Variants in GALNT9 observed in about 807,000 individuals in gnomAD.
GALNT9 encodes the protein GalNAc transferase 9.
A neutral mutation model predicts 63.1 loss-of-function variants in GALNT9; 47 were observed. The ratio of observed to expected loss-of-function variants is 0.75; its 90% CI spans 0.59 to 0.95. The LOEUF is 0.95. Ranked by LOEUF, GALNT9 falls within the 40% of genes least tolerant of loss-of-function variation. The pLI is 0.00. For synonymous variants in GALNT9, 396 were observed against 365.7 expected (o/e 1.08, Z -0.94); for missense variants, 829 against 874.8 (o/e 0.95, Z 0.66).
intron 7 of GALNT9, 53 bp downstream of exon 7, chr12:132,203,452 A>G: frequency 1.3e-6 from 2 of 1,583,844 alleles, no homozygotes; most frequent in Admixed American, 1.7e-5. Context: ...CTGCCGTGGC[A>G]TTGACCCCGA....
At chr12:132,304,598 C>G (rs370968029) in intron 1 of GALNT9, among the ~76,000 whole-genome samples, 16 of 32,014 alleles carry the variant, frequency 5.0e-4, no homozygotes, top group East Asian at 0.031. Flanking sequence ...CGCCCTCACC[C>G]GGGCACAGCC....
At chr12:132,201,320 C>A in intron 7 of GALNT9, 59 bp from the exon 8 acceptor site, 1 of 1,261,516 alleles carries the variant, frequency 7.9e-7, no homozygotes, top group Non-Finnish European at 1.1e-6. Flanking sequence ...TGGGTCTTCC[C>A]CATAATGAGG....
intron 5 of GALNT9, among the ~76,000 whole-genome samples, chr12:132,250,406 G>A (rs538630933): frequency 2.0e-5 from 3 of 152,348 alleles, no homozygotes; most frequent in East Asian, 1.9e-4. Flanking sequence ...CACCGCAGAG[G>A]TGCCCACTTT....
At chr12:132,217,490 GCATCCCCACCCATC>G (rs1877254413) in intron 6 of GALNT9, among the ~76,000 whole-genome samples, 1 of 104,554 alleles carries the variant, frequency 9.6e-6, no homozygotes, top group South Asian at 3.2e-4. Flanking sequence ...ACCCACCCAT[GCATCCCCACCCATC>G]CATCCATCCA....
chr12:132,305,481 G>A (rs1455931965), intron 1 of GALNT9, among the ~76,000 whole-genome samples: 41 of 79,886 alleles, frequency 5.1e-4, no homozygotes, highest in Admixed American at 7.3e-4. Flanking sequence ...CCTCACCCGG[G>A]CACACCCTCA....
chr12:132,215,767 C>A (rs972644080), intron 6 of GALNT9, among the ~76,000 whole-genome samples: 2 of 152,196 alleles, frequency 1.3e-5, no homozygotes, highest in African/African-American at 4.8e-5. Context: ...GGGCGGGGGG[C>A]AGCCTCGCAT....
intron 1 of GALNT9, among the ~76,000 whole-genome samples, chr12:132,302,523 C>G (rs1301467950): frequency 6.6e-6 from 1 of 152,224 alleles, no homozygotes; most frequent in East Asian, 1.9e-4. Flanking sequence ...CATCCATTAT[C>G]AAAACTCACG....
intron 6 of GALNT9, among the ~76,000 whole-genome samples, chr12:132,221,985 A>G (rs1877469011): frequency 6.6e-6 from 1 of 152,186 alleles, no homozygotes; most frequent in Non-Finnish European, 1.5e-5. Context: ...TTTATAAATA[A>G]TTGTATAAAT....
chr12:132,214,497 C>T (rs558359199), intron 6 of GALNT9, among the ~76,000 whole-genome samples: 38 of 152,330 alleles, frequency 2.5e-4, no homozygotes, highest in African/African-American at 6.7e-4. Flanking sequence ...CACCAGCCAA[C>T]GCGAATCCAC....
At position 132,199,227 on chromosome 12, in the gene GALNT9, C is replaced by A. The variant is rs761332329; in HGVS notation, c.1444G>T (p.Ala482Ser). ...KASAYCLDQGAEDGDRAILYP... is the reference protein window; with the variant it reads ...KASAYCLDQGSEDGDRAILYP... ...AGGATCGCCCGGTCGCCGTCCTCCG[C>A]TCCCTGGTCCAGACAGTAGGCACTG... Residue 482 changes from alanine to serine, a missense_variant, in exon 9 of 11, where the codon GCG becomes TCG. Coordinates refer to ENST00000328957, the MANE Select transcript of GALNT9 (RefSeq NM_001122636.2). The A allele has an allele frequency of 2.0e-5, 32 of 1,604,948 alleles. No homozygotes were observed. The highest frequency in any genetic ancestry group is 2.6e-5 in the Non-Finnish European group (31 of 1,179,698).
chr12:132,270,658 C>T (rs952995925), intron 2 of GALNT9, among the ~76,000 whole-genome samples: 12 of 152,326 alleles, frequency 7.9e-5, no homozygotes, highest in South Asian at 2.1e-4. Context: ...CGTCATCTCC[C>T]GGCCAGAGCC....
At chr12:132,200,920 T>G (rs1876021782) in intron 8 of GALNT9, 2 of 574,726 alleles carry the variant, frequency 3.5e-6, no homozygotes, top group Non-Finnish European at 6.2e-6. Context: ...TGTGTGCACG[T>G]GGATGTGCCT....
intron 6 of GALNT9, among the ~76,000 whole-genome samples, chr12:132,229,744 A>G (rs1877824698): frequency 1.3e-5 from 2 of 152,358 alleles, no homozygotes; most frequent in African/African-American, 4.8e-5. Context: ...GGTCACCGGC[A>G]TCTGTGAAGC....
At position 132,196,834 on chromosome 12, in the gene GALNT9, G is replaced by C. The variant is rs1875537538; in HGVS notation, c.*273C>G. 1 of 1,259,850 alleles carries C rather than the reference G, an allele frequency of 7.9e-7. No individual in the cohort carries two copies. The highest frequency in any genetic ancestry group is 1.0e-6 in the Non-Finnish European group (1 of 995,478). The allele number at this position is 1,259,850 out of a possible 1,614,324, so 78.0% of individuals were successfully genotyped here. A position where few individuals can be genotyped will look rare whatever the true frequency, so the allele number is the denominator to read the frequency against. On this transcript the variant is annotated 3_prime_UTR_variant, in exon 11 of 11. Coordinates refer to ENST00000328957, the MANE Select transcript of GALNT9 (RefSeq NM_001122636.2). ...GGCTGTCCCAGCAGCCTGGCCAGGA[G>C]ATACCGTGGAGAAGGCACGTGTTTG...
chr12:132,298,158 AT>A (rs2135572171), intron 1 of GALNT9, among the ~76,000 whole-genome samples: 1 of 152,222 alleles, frequency 6.6e-6, no homozygotes, highest in Non-Finnish European at 1.5e-5. Context: ...CACTCTCATG[AT>A]AACCAACCCA....
In GALNT9 at chr12:132,197,856, A is replaced by G; in HGVS notation, c.1601T>C (p.Met534Thr). Residue 534 changes from methionine (M) to threonine (T), a missense_variant, in exon 10 of 11, where the codon ATG (methionine) becomes ACG (threonine). Coordinates refer to ENST00000328957, the MANE Select transcript of GALNT9 (RefSeq NM_001122636.2). ...KCLVDDGTGR[M>T]PTLKKCEDVA... ...ATCCTCACACTTCTTCAGGGTGGGC[A>G]TGCGGCCCGTGCCGTCATCCACCAG... 1.2e-6 allele frequency: 2 copies of G among 1,601,178 alleles called. No individual in the cohort carries two copies. The highest frequency in any genetic ancestry group is 2.7e-5 in the African/African-American group (2 of 74,670).
chr12:132,272,486 A>G (rs778363176), intron 2 of GALNT9, among the ~76,000 whole-genome samples: 7 of 152,212 alleles, frequency 4.6e-5, no homozygotes, highest in Admixed American at 6.5e-5. Flanking sequence ...TTGCTTGCAC[A>G]TTCTTTCTGG....
At chr12:132,243,303 A>T (rs1330912380) in intron 6 of GALNT9, among the ~76,000 whole-genome samples, 1 of 135,746 alleles carries the variant, frequency 7.4e-6, no homozygotes, top group Non-Finnish European at 1.5e-5. Flanking sequence ...GGCCCTCCCT[A>T]TACCCATTAC....
chr12:132,240,547 C>T (rs2136898563), intron 6 of GALNT9: 11 of 445,994 alleles, frequency 2.5e-5, no homozygotes, highest in East Asian at 1.4e-4. Context: ...GGCGTGGCCC[C>T]AGGGCTCAGC....
Sources: gnomAD v4.1 joint callset for allele counts (sites outside exome capture counted in the v4.1 genomes callset) on GRCh38, gnomAD v4.1.1 for gene constraint, MANE v1.5 for transcripts, NCBI Gene and HGNC (gene_info 2026-07-23, HGNC 2026-07-21) for gene names.